The following PTPRD variants were observed in gnomAD, a reference collection of about 807,000 sequenced individuals.
The protein encoded by PTPRD is receptor-type tyrosine-protein phosphatase delta.
A neutral mutation model predicts 214.5 loss-of-function variants in PTPRD; 34 were observed. The observed-to-expected ratio is 0.16, with a 90% CI of 0.12 to 0.21. PTPRD has a LOEUF of 0.21. Among genes scored for constraint, PTPRD ranks in the 10% least tolerant of loss-of-function variants. The pLI, the probability that PTPRD is intolerant of heterozygous loss-of-function variation, is 1.00. For synonymous variants in PTPRD, 1,128 were observed against 845.7 expected, an observed-to-expected ratio of 1.33 and a Z score of -5.79; for missense variants, 2,545 against 2,398.7, an observed-to-expected ratio of 1.06 and a Z score of -1.27.
chr9:8,954,807 A>G (rs1322814263), intron 11 of PTPRD, among the ~76,000 whole-genome samples: 3 of 151,942 alleles, frequency 2.0e-5, no homozygotes, highest in African/African-American at 7.2e-5. Context: ...TCAAGGTCTC[A>G]ATGTAAAGAT....
intron 9 of PTPRD, among the ~76,000 whole-genome samples, chr9:9,336,669 ATT>A (rs527557062): frequency 1.3e-5 from 2 of 152,260 alleles, no homozygotes; most frequent in African/African-American, 4.8e-5. Context: ...ATATGCTAAT[ATT>A]TTTTAAATGA....
intron 12 of PTPRD, among the ~76,000 whole-genome samples, chr9:8,728,075 C>G (rs1259624785): frequency 2.0e-5 from 3 of 152,034 alleles, no homozygotes; most frequent in Non-Finnish European, 4.4e-5. Context: ...TGGAGAAACC[C>G]TGTCTCTACT....
chr9:10,076,367 G>C (rs138874630), intron 3 of PTPRD, among the ~76,000 whole-genome samples: 65 of 152,180 alleles, frequency 4.3e-4, no homozygotes, highest in African/African-American at 1.4e-3. Flanking sequence ...GATTTTCTCA[G>C]ATTTACCTTC....
intron 23 of PTPRD, among the ~76,000 whole-genome samples, chr9:8,502,127 C>A (rs1446755836): frequency 1.3e-5 from 2 of 152,052 alleles, no homozygotes; most frequent in Non-Finnish European, 2.9e-5. Context: ...TCTGAGCAAT[C>A]ATTTTCCATC....
Position 10,387,339 on chromosome 9 carries a change from C to T in PTPRD, c.-599-46322G>A, listed in dbSNP as rs910047361. Among the ~76,000 whole-genome samples the T allele has an allele frequency of 5.3e-5, 8 of 151,798 alleles. 1 individual carries two copies. The highest frequency in any genetic ancestry group is 1.9e-4 in the African/African-American group (8 of 41,382). On this transcript the variant is annotated intron_variant, in intron 2 of 45. Transcript: ENST00000381196. ...TTCTTTATGTTTTCTAAGGTTGATGCCTTATAGTTTACTAGTTAGGCACTA... is the reference window on the plus strand; with the variant it reads ...TTCTTTATGTTTTCTAAGGTTGATGTCTTATAGTTTACTAGTTAGGCACTA...
At chr9:9,563,899 G>C (rs961275825) in intron 8 of PTPRD, among the ~76,000 whole-genome samples, 1 of 152,020 alleles carries the variant, frequency 6.6e-6, no homozygotes, top group Non-Finnish European at 1.5e-5. Context: ...TTGATATCCT[G>C]GCTTTCTTCT....
At chr9:9,484,891 T>C (rs1325587570) in intron 8 of PTPRD, among the ~76,000 whole-genome samples, 2 of 152,178 alleles carry the variant, frequency 1.3e-5, no homozygotes, top group East Asian at 1.9e-4. Flanking sequence ...AATAGGCTTC[T>C]ACAGAGAAAA....
intron 3 of PTPRD, among the ~76,000 whole-genome samples, chr9:10,227,448 A>T (rs921346576): frequency 2.6e-5 from 4 of 151,956 alleles, no homozygotes; most frequent in African/African-American, 9.7e-5. Context: ...AATTCAACAT[A>T]AAAATATTAC....
At chr9:9,491,591 T>C (rs182453593) in intron 8 of PTPRD, among the ~76,000 whole-genome samples, 1 of 152,036 alleles carries the variant, frequency 6.6e-6, no homozygotes, top group East Asian at 1.9e-4. Flanking sequence ...ACCAAGTGTA[T>C]CTTCAAACCA....
chr9:9,389,429 G>A (rs919412650), intron 9 of PTPRD, among the ~76,000 whole-genome samples: 1 of 152,116 alleles, frequency 6.6e-6, no homozygotes, highest in Non-Finnish European at 1.5e-5. Context: ...AGAATTGCTT[G>A]AACCCGGGAG....
chr9:9,579,619 G>T (rs2090115093), intron 7 of PTPRD, among the ~76,000 whole-genome samples: 1 of 152,016 alleles, frequency 6.6e-6, no homozygotes, highest in African/African-American at 2.4e-5. Context: ...CCTAGTAAGT[G>T]TTGTTCCCCT....
At chr9:8,338,431 T>C (rs10976971) in intron 43 of PTPRD, among the ~76,000 whole-genome samples, 15,315 of 152,116 alleles carry the variant, frequency 0.1, 892 homozygotes, top group African/African-American at 0.14. Flanking sequence ...AGGAATCAAA[T>C]TAGAATGTGC....
chr9:9,945,739 C>T (rs1163716313), intron 4 of PTPRD, among the ~76,000 whole-genome samples: 1 of 152,108 alleles, frequency 6.6e-6, no homozygotes, highest in Non-Finnish European at 1.5e-5. Flanking sequence ...AAATAGAACA[C>T]TTCTGAAAGT....
intron 10 of PTPRD, among the ~76,000 whole-genome samples, chr9:9,080,247 A>T (rs562907678): frequency 6.6e-6 from 1 of 152,082 alleles, no homozygotes; most frequent in South Asian, 2.1e-4. Flanking sequence ...AGATGACCAA[A>T]TATCTTTGAT....
chr9:9,116,686 T>G (rs566411530), intron 10 of PTPRD, among the ~76,000 whole-genome samples: 1 of 151,906 alleles, frequency 6.6e-6, no homozygotes, highest in East Asian at 1.9e-4. Flanking sequence ...TTGTTTTTCT[T>G]GGGGGGGAAG....
intron 2 of PTPRD, among the ~76,000 whole-genome samples, chr9:10,427,572 C>T (rs903039630): frequency 6.6e-6 from 1 of 152,028 alleles, no homozygotes; most frequent in African/African-American, 2.4e-5. Context: ...TGATAATTGT[C>T]ATTCAGGTAA....
chr9:8,648,891 G>C (rs957920645), intron 12 of PTPRD, among the ~76,000 whole-genome samples: 1 of 152,104 alleles, frequency 6.6e-6, no homozygotes, highest in Non-Finnish European at 1.5e-5. Flanking sequence ...ATCATCCACT[G>C]CTAATTTACT....
chr9:9,695,956 G>A (rs2097365697), intron 7 of PTPRD, among the ~76,000 whole-genome samples: 1 of 151,782 alleles, frequency 6.6e-6, no homozygotes, highest in Admixed American at 6.6e-5. Flanking sequence ...TTTTTTTTTA[G>A]TTTGAATACA....
chr9:10,194,343 TATAGAGAGAGAGAGAGAGAGAGAG>T (rs1313442419), intron 3 of PTPRD, among the ~76,000 whole-genome samples: 1,298 of 40,796 alleles, frequency 0.032, 6 homozygotes, highest in Middle Eastern at 0.045. Flanking sequence ...TATATATATA[TATAGAGAGAGAGAGAGAGAGAGAG>T]AGAGAGAGAG....
Sources: gnomAD v4.1 joint callset for allele counts (sites outside exome capture counted in the v4.1 genomes callset) on GRCh38, gnomAD v4.1.1 for gene constraint, MANE v1.5 for transcripts, NCBI Gene and HGNC (gene_info 2026-07-23, HGNC 2026-07-21) for gene names.